SMYD3: variants seen among roughly 807,000 people sequenced by gnomAD.
SMYD3 encodes histone-lysine N-methyltransferase SMYD3.
SMYD3 carries 36 observed loss-of-function variants against 57.7 expected under a neutral mutation model. The ratio of observed to expected loss-of-function variants is 0.62; its 90% confidence interval spans 0.48 to 0.82. The LOEUF (loss-of-function observed/expected upper bound fraction) is 0.82. Among genes scored for constraint, SMYD3 ranks in the 40% least tolerant of loss-of-function variants. The pLI is 0.00. For synonymous variants in SMYD3, 211 were observed against 195.0 expected, an observed-to-expected ratio of 1.08 and a Z score of -0.68; for missense variants, 515 against 538.8, an observed-to-expected ratio of 0.96 and a Z score of 0.44.
At chr1:246,215,144 C>T (rs546230149) in intron 5 of SMYD3, among the ~76,000 whole-genome samples, 1 of 152,168 alleles carries the variant, frequency 6.6e-6, no homozygotes, top group East Asian at 1.9e-4. Context: ...CTAGATATGC[C>T]TAAAGAGGAT....
intron 5 of SMYD3, among the ~76,000 whole-genome samples, chr1:246,124,624 G>C (rs2061476862): frequency 6.6e-6 from 1 of 152,196 alleles, no homozygotes; most frequent in Non-Finnish European, 1.5e-5. Flanking sequence ...TAATGAGATA[G>C]ATGAATGAGT....
intron 2 of SMYD3, among the ~76,000 whole-genome samples, chr1:246,354,145 G>A (rs970209922): frequency 9.9e-5 from 15 of 152,134 alleles, no homozygotes; most frequent in Admixed American, 5.2e-4. Context: ...TGAGTGGAGG[G>A]TGGCAGGGAG....
intron 1 of SMYD3, among the ~76,000 whole-genome samples, chr1:246,371,695 C>A (rs1217835904): frequency 6.6e-6 from 1 of 152,104 alleles, no homozygotes; most frequent in African/African-American, 2.4e-5. Flanking sequence ...CAACAGATGC[C>A]CACCTTGAGT....
intron 10 of SMYD3, among the ~76,000 whole-genome samples, chr1:245,823,075 C>T (rs1433016216): frequency 2.0e-5 from 3 of 152,130 alleles, no homozygotes; most frequent in Non-Finnish European, 4.4e-5. Context: ...GGCACAAGGG[C>T]CCTGACGAGG....
chr1:246,454,865 G>A (rs1464057022), intron 1 of SMYD3, among the ~76,000 whole-genome samples: 1 of 152,122 alleles, frequency 6.6e-6, no homozygotes, highest in African/African-American at 2.4e-5. Flanking sequence ...TCAAGTTTGT[G>A]ACTGAAAATA....
intron 5 of SMYD3, among the ~76,000 whole-genome samples, chr1:246,207,062 A>G (rs1191225398): frequency 1.3e-5 from 2 of 152,186 alleles, no homozygotes; most frequent in African/African-American, 2.4e-5. Flanking sequence ...CCAAACGTAT[A>G]AGGCAGGTTT....
chr1:246,000,009 C>A (rs1372841299), intron 5 of SMYD3, among the ~76,000 whole-genome samples: 1 of 152,220 alleles, frequency 6.6e-6, no homozygotes, highest in Non-Finnish European at 1.5e-5. Flanking sequence ...ATACCTACTT[C>A]ACAGGGTTAA....
chr1:246,246,243 A>G (rs2063701919), intron 5 of SMYD3, among the ~76,000 whole-genome samples: 1 of 152,142 alleles, frequency 6.6e-6, no homozygotes, highest in Non-Finnish European at 1.5e-5. Context: ...CTTCCCCTTT[A>G]CTACCTAACT....
At chr1:246,263,261 T>C (rs569232046) in intron 5 of SMYD3, among the ~76,000 whole-genome samples, 8 of 152,340 alleles carry the variant, frequency 5.3e-5, no homozygotes, top group African/African-American at 1.9e-4. Context: ...TGAGGCTGTT[T>C]CTGTACTATA....
At chr1:246,221,214 G>C (rs1051666334) in intron 5 of SMYD3, among the ~76,000 whole-genome samples, 1 of 152,136 alleles carries the variant, frequency 6.6e-6, no homozygotes, top group African/African-American at 2.4e-5. Flanking sequence ...AAGTCTCTCT[G>C]CTAAGGAGCT....
At chr1:245,848,519 C>G (rs1242360551) in intron 10 of SMYD3, among the ~76,000 whole-genome samples, 4 of 152,138 alleles carry the variant, frequency 2.6e-5, no homozygotes, top group African/African-American at 9.7e-5. Context: ...AGGGATCCTC[C>G]TGCCTCAGCC....
intron 4 of SMYD3, among the ~76,000 whole-genome samples, chr1:246,329,633 T>G (rs939603753): frequency 1.3e-5 from 2 of 152,280 alleles, no homozygotes; most frequent in South Asian, 2.1e-4. Flanking sequence ...TTCTCCCATT[T>G]TGTAGGTTGC....
chr1:245,938,764 T>C (rs541551867), intron 5 of SMYD3, among the ~76,000 whole-genome samples: 1 of 152,318 alleles, frequency 6.6e-6, no homozygotes, highest in African/African-American at 2.4e-5. Flanking sequence ...GTCACCATCA[T>C]GAATACATAA....
chr1:246,081,968 G>A lies in SMYD3; in HGVS notation c.532-152031C>T, dbSNP rs528411821. ...GGCCAAATCGAGCTCCTGGATATTT[G>A]AGGAGTTCTGAAACCACGTTTGCCA... On this transcript the variant is annotated intron_variant, in intron 5 of 11. Coordinates refer to ENST00000490107, the MANE Select transcript of SMYD3 (RefSeq NM_001167740.2). Among the ~76,000 whole-genome samples the A allele has an allele frequency of 1.7e-4, 26 of 152,276 alleles. 1 individual carries two copies. In the South Asian group the frequency reaches 3.9e-3, roughly 23 times the overall value.
chr1:246,248,490 T>C (rs1208138138), intron 5 of SMYD3, among the ~76,000 whole-genome samples: 1 of 152,106 alleles, frequency 6.6e-6, no homozygotes, highest in African/African-American at 2.4e-5. Context: ...GGTCAGTATG[T>C]AAGTAGCTCT....
intron 8 of SMYD3, among the ~76,000 whole-genome samples, chr1:245,866,408 G>C (rs909330009): frequency 6.6e-6 from 1 of 151,512 alleles, no homozygotes; most frequent in Non-Finnish European, 1.5e-5. Flanking sequence ...TCTGTACATG[G>C]AGGAGGGAGG....
chr1:246,124,094 CAA>C (rs1333648638), intron 5 of SMYD3, among the ~76,000 whole-genome samples: 1 of 152,188 alleles, frequency 6.6e-6, no homozygotes, highest in Non-Finnish European at 1.5e-5. Context: ...TTGTGTATAA[CAA>C]AGTCAATAAG....
Position 246,223,736 on chromosome 1 carries a change from T to C in SMYD3, c.531+103465A>G, listed in dbSNP as rs557583361. On this transcript the variant is annotated intron_variant, in intron 5 of 11. Transcript: ENST00000490107. ...CACTTTGTAGGACTACTACCCCTTC[T>C]CTGTTTTCCTCCTTCTTCATTAACT... Among the ~76,000 whole-genome samples the C allele has an allele frequency of 6.8e-4, 104 of 152,204 alleles. 1 individual carries two copies. Among genetic ancestry groups the C allele is most frequent in the Middle Eastern group, 6.8e-3 (2 of 294 alleles).
At chr1:245,848,378 C>T (rs928437904) in intron 10 of SMYD3, among the ~76,000 whole-genome samples, 1 of 152,014 alleles carries the variant, frequency 6.6e-6, no homozygotes, top group Non-Finnish European at 1.5e-5. Flanking sequence ...CCTTGGCCTC[C>T]CAAAGTGCTA....
Sources: gnomAD v4.1 joint callset for allele counts (sites outside exome capture counted in the v4.1 genomes callset) on GRCh38, gnomAD v4.1.1 for gene constraint, MANE v1.5 for transcripts, NCBI Gene and HGNC (gene_info 2026-07-23, HGNC 2026-07-21) for gene names.